ACAP2: variants seen among roughly 807,000 people sequenced by gnomAD.
The protein encoded by ACAP2 is arf-GAP with coiled-coil, ANK repeat and PH domain-containing protein 2.
ACAP2 carries 39 observed loss-of-function variants against 115.8 expected under a neutral mutation model. The observed-to-expected ratio is 0.34, with a 90% CI of 0.26 to 0.44. ACAP2 has a LOEUF of 0.44. Among genes scored for constraint, ACAP2 ranks in the 20% least tolerant of loss-of-function variants. The probability of loss-of-function intolerance (pLI) is 1.00; values close to 1 mark genes in which losing one functional copy is unlikely to be tolerated. For synonymous variants in ACAP2, 289 were observed against 315.8 expected, an observed-to-expected ratio of 0.92 and a Z score of 0.90; for missense variants, 662 against 927.6, an observed-to-expected ratio of 0.71 and a Z score of 3.72.
At chr3:195,334,014 T>C (rs1453513234) in intron 7 of ACAP2, among the ~76,000 whole-genome samples, 1 of 152,158 alleles carries the variant, frequency 6.6e-6, no homozygotes, top group African/African-American at 2.4e-5. Flanking sequence ...CAAGTTTTCC[T>C]ATATCTTACC....
intron 4 of ACAP2, among the ~76,000 whole-genome samples, chr3:195,371,836 A>G (rs539722695): frequency 5.3e-4 from 80 of 152,122 alleles, no homozygotes; most frequent in South Asian, 1.0e-3. Context: ...TAATTTTTGT[A>G]TTTTTAGTAG....
chr3:195,328,329 A>T (rs888494791), intron 8 of ACAP2, among the ~76,000 whole-genome samples: 2 of 152,202 alleles, frequency 1.3e-5, no homozygotes. Flanking sequence ...TTTCAAAAAA[A>T]CTATTTGATC....
intron 4 of ACAP2, among the ~76,000 whole-genome samples, chr3:195,351,322 G>A (rs1458962408): frequency 6.6e-6 from 1 of 151,998 alleles, no homozygotes; most frequent in African/African-American, 2.4e-5. Flanking sequence ...TCGCCATGTT[G>A]CCCAGGATGG....
At chr3:195,325,700 T>C (rs1296108845) in intron 9 of ACAP2, among the ~76,000 whole-genome samples, 2 of 152,170 alleles carry the variant, frequency 1.3e-5, no homozygotes, top group South Asian at 2.1e-4. Flanking sequence ...CAGATAGTTC[T>C]ACAAATACCA....
intron 9 of ACAP2, among the ~76,000 whole-genome samples, chr3:195,325,052 A>C (rs551771227): frequency 6.6e-6 from 1 of 152,312 alleles, no homozygotes; most frequent in East Asian, 1.9e-4. Flanking sequence ...GTCACTGAAG[A>C]AGTTAAAACT....
intron 1 of ACAP2, among the ~76,000 whole-genome samples, chr3:195,427,899 C>A (rs1432940050): frequency 2.0e-5 from 3 of 150,862 alleles, no homozygotes; most frequent in African/African-American, 4.9e-5. Context: ...AGAGTGAGAC[C>A]CCATCTCAAA....
chr3:195,365,005 T>G (rs1732620109), intron 4 of ACAP2, among the ~76,000 whole-genome samples: 1 of 152,216 alleles, frequency 6.6e-6, no homozygotes, highest in South Asian at 2.1e-4. Context: ...CGTCATTATG[T>G]TAAGTGAAAT....
intron 7 of ACAP2, among the ~76,000 whole-genome samples, chr3:195,333,616 C>A (rs11718226): frequency 0.29 from 43,833 of 152,060 alleles, 7,194 homozygotes; most frequent in East Asian, 0.71. Context: ...AGTGGTTTAA[C>A]ATTTTTAAAA....
intron 8 of ACAP2, among the ~76,000 whole-genome samples, chr3:195,329,079 C>CAA (rs57471736): frequency 0.03 from 2,838 of 93,742 alleles, 99 homozygotes; most frequent in East Asian, 0.11. Context: ...GACTCCGTCT[C>CAA]AAAAAAAAAA....
intron 14 of ACAP2, 114 bp from the exon 15 acceptor site, chr3:195,301,758 C>A: frequency 8.7e-7 from 1 of 1,145,318 alleles, no homozygotes; most frequent in Non-Finnish European, 1.3e-6. Flanking sequence ...CACATATAGG[C>A]ACAGATCTTC....
At chr3:195,286,302 CTA>C (rs563934306) in intron 21 of ACAP2, among the ~76,000 whole-genome samples, 31 of 152,290 alleles carry the variant, frequency 2.0e-4, no homozygotes, top group Admixed American at 1.9e-3. Flanking sequence ...TGTGTGGCCT[CTA>C]AACACTGGGA....
chr3:195,325,957 C>T (rs182647814), intron 9 of ACAP2, among the ~76,000 whole-genome samples: 1 of 152,278 alleles, frequency 6.6e-6, no homozygotes. Context: ...TAAAGATGGT[C>T]TTGTAGAAAT....
At chr3:195,348,945 T>C (rs1269162154) in intron 4 of ACAP2, among the ~76,000 whole-genome samples, 1 of 152,090 alleles carries the variant, frequency 6.6e-6, no homozygotes, top group Non-Finnish European at 1.5e-5. Context: ...AACATTACAC[T>C]AGAAATTCTA....
At chr3:195,279,534 T>C (rs1379399979) in intron 22 of ACAP2, 106 bp from the exon 23 acceptor site, 1 of 660,024 alleles carries the variant, frequency 1.5e-6, no homozygotes, top group African/African-American at 1.9e-5. Context: ...CATTAAAATT[T>C]TGTTCAGATG....
At position 195,279,116 on chromosome 3, in the gene ACAP2, C is replaced by A; in HGVS notation, c.*212G>T. ...CTACAGAAATAGCCCTTTAAATAGGCTTTTTTAATAAAAGAGGTCCTAAAC... is the reference window on the plus strand; with the variant it reads ...CTACAGAAATAGCCCTTTAAATAGGATTTTTTAATAAAAGAGGTCCTAAAC... On this transcript the variant is annotated 3_prime_UTR_variant, in exon 23 of 23. Transcript: ENST00000326793. 1 of 395,030 alleles carries A rather than the reference C, an allele frequency of 2.5e-6. No individual in the cohort carries two copies. Among genetic ancestry groups the A allele is most frequent in the Non-Finnish European group, 4.4e-6 (1 of 225,542 alleles). The allele number at this position is 395,030 out of a possible 1,614,324, so 24.5% of individuals were successfully genotyped here. A position where few individuals can be genotyped will look rare whatever the true frequency, so the allele number is the denominator to read the frequency against.
intron 2 of ACAP2, among the ~76,000 whole-genome samples, chr3:195,386,524 C>T (rs1734313916): frequency 6.6e-6 from 1 of 152,096 alleles, no homozygotes; most frequent in South Asian, 2.1e-4. Context: ...CCATCATTCT[C>T]AGCAAACTAA....
chr3:195,438,467 T>TGGAA (rs906413632), intron 1 of ACAP2, among the ~76,000 whole-genome samples: 3 of 152,104 alleles, frequency 2.0e-5, no homozygotes, highest in African/African-American at 7.2e-5. Context: ...ATTATAAAGA[T>TGGAA]GGAAGGCAAA....
intron 3 of ACAP2, among the ~76,000 whole-genome samples, 196 bp downstream of exon 3, chr3:195,381,707 A>G (rs1733950356): frequency 1.3e-5 from 2 of 152,146 alleles, no homozygotes; most frequent in Non-Finnish European, 2.9e-5. Context: ...GCCATGCTAG[A>G]TAATGCGCAA....
intron 1 of ACAP2, among the ~76,000 whole-genome samples, chr3:195,405,865 A>C (rs57367947): frequency 0.023 from 3,544 of 152,218 alleles, 138 homozygotes; most frequent in African/African-American, 0.08. Context: ...AGCAGGAGCC[A>C]GGGGCAGGGG....
Sources: gnomAD v4.1 joint callset for allele counts (sites outside exome capture counted in the v4.1 genomes callset) on GRCh38, gnomAD v4.1.1 for gene constraint, MANE v1.5 for transcripts, NCBI Gene and HGNC (gene_info 2026-07-23, HGNC 2026-07-21) for gene names.